Variants in MITF observed in about 807,000 individuals in gnomAD.
The protein encoded by MITF is microphthalmia-associated transcription factor.
A neutral mutation model predicts 60.5 loss-of-function variants in MITF; 17 were observed. The observed-to-expected ratio is 0.28, with a 90% confidence interval of 0.19 to 0.42. MITF has a LOEUF of 0.42. Among genes scored for constraint, MITF ranks in the 10% least tolerant of loss-of-function variants. MITF has a pLI of 1.00. For synonymous variants in MITF, 260 were observed against 248.5 expected, an observed-to-expected ratio of 1.05 and a Z score of -0.43; for missense variants, 622 against 683.5, an observed-to-expected ratio of 0.91 and a Z score of 1.00.
chr3:69,857,980 C>G (rs893828042), intron 1 of MITF, among the ~76,000 whole-genome samples: 19 of 152,004 alleles, frequency 1.2e-4, no homozygotes, highest in African/African-American at 3.1e-4. Flanking sequence ...CCAGCCTTAC[C>G]TGTTATATCT....
intron 1 of MITF, among the ~76,000 whole-genome samples, chr3:69,814,627 A>G (rs1205969489): frequency 1.3e-5 from 2 of 151,834 alleles, no homozygotes. Flanking sequence ...GCCCCATTCT[A>G]TCTTTTTTAA....
intron 9 of MITF, among the ~76,000 whole-genome samples, chr3:69,960,380 C>T (rs1374407853): frequency 6.6e-6 from 1 of 152,140 alleles, no homozygotes; most frequent in African/African-American, 2.4e-5. Flanking sequence ...TCATCCTACT[C>T]AGTGGGTATA....
chr3:69,932,056 A>G (rs2065736424), intron 2 of MITF, among the ~76,000 whole-genome samples: 1 of 152,218 alleles, frequency 6.6e-6, no homozygotes, highest in Non-Finnish European at 1.5e-5. Context: ...TACATATACT[A>G]TTTCTCTTTA....
intron 9 of MITF, among the ~76,000 whole-genome samples, chr3:69,960,775 C>T (rs913398632): frequency 3.9e-5 from 6 of 152,186 alleles, no homozygotes; most frequent in African/African-American, 7.2e-5. Flanking sequence ...GTGCTCCTCC[C>T]GGACGTTGAA....
chr3:69,812,233 A>T (rs2063112569), intron 1 of MITF, among the ~76,000 whole-genome samples: 1 of 152,140 alleles, frequency 6.6e-6, no homozygotes, highest in Non-Finnish European at 1.5e-5. Flanking sequence ...ACCTTCCCCA[A>T]GGTGCTTGAC....
At chr3:69,964,589 A>C (rs910715148) in intron 9 of MITF, among the ~76,000 whole-genome samples, 5 of 132,998 alleles carry the variant, frequency 3.8e-5, no homozygotes, top group African/African-American at 1.2e-4. Flanking sequence ...CATTCCCCCA[A>C]GCACGCACAG....
At chr3:69,853,094 G>A (rs1339979079) in intron 1 of MITF, among the ~76,000 whole-genome samples, 1 of 152,010 alleles carries the variant, frequency 6.6e-6, no homozygotes, top group African/African-American at 2.4e-5. Flanking sequence ...GACCATAGTT[G>A]CCTGAAAACA....
chr3:69,948,410 TTTA>T (rs1387450467), intron 5 of MITF, among the ~76,000 whole-genome samples: 2 of 151,994 alleles, frequency 1.3e-5, no homozygotes, highest in African/African-American at 2.4e-5. Context: ...ACTTTTTTTT[TTTA>T]TTATTATTCT....
chr3:69,759,083 G>A (rs939637608), intron 1 of MITF, among the ~76,000 whole-genome samples: 12 of 152,248 alleles, frequency 7.9e-5, no homozygotes, highest in Admixed American at 2.0e-4. Flanking sequence ...TACAAATACC[G>A]AATTAGCAAA....
chr3:69,953,763 A>G (rs2066327558), intron 7 of MITF, among the ~76,000 whole-genome samples: 3 of 151,758 alleles, frequency 2.0e-5, no homozygotes, highest in South Asian at 4.2e-4. Context: ...CTTTTCTACA[A>G]TGTGAACCAG....
intron 1 of MITF, among the ~76,000 whole-genome samples, chr3:69,783,270 G>T (rs180879016): frequency 6.6e-6 from 1 of 152,030 alleles, no homozygotes; most frequent in East Asian, 1.9e-4. Context: ...CCTTTTGCTT[G>T]GATGCTCCTT....
intron 2 of MITF, among the ~76,000 whole-genome samples, chr3:69,893,529 C>T (rs1434342214): frequency 6.6e-6 from 1 of 152,076 alleles, no homozygotes; most frequent in African/African-American, 2.4e-5. Context: ...GTGCCAGGCG[C>T]AATACTTTTT....
At chr3:69,948,068 TG>T (rs2066144300) in intron 5 of MITF, among the ~76,000 whole-genome samples, 1 of 152,170 alleles carries the variant, frequency 6.6e-6, no homozygotes, top group Admixed American at 6.5e-5. Context: ...AATCAAGAAA[TG>T]GGAGGGCTAA....
intron 2 of MITF, among the ~76,000 whole-genome samples, chr3:69,920,326 G>T (rs1012380820): frequency 6.6e-6 from 1 of 151,988 alleles, no homozygotes; most frequent in Non-Finnish European, 1.5e-5. Context: ...TTTTCCCCGG[G>T]GGAGTTTAGA....
chr3:69,918,482 A>G (rs2065388231), intron 2 of MITF, among the ~76,000 whole-genome samples: 1 of 152,100 alleles, frequency 6.6e-6, no homozygotes, highest in Non-Finnish European at 1.5e-5. Context: ...CAATTTTGGG[A>G]CTTTTAAAAT....
intron 1 of MITF, among the ~76,000 whole-genome samples, chr3:69,871,397 A>G (rs9818328): frequency 0.027 from 4,073 of 152,294 alleles, 170 homozygotes; most frequent in African/African-American, 0.09. Context: ...GGAGGTAGTG[A>G]CAACACCATA....
chr3:69,939,287 T>G (rs1184132476), intron 4 of MITF, 106 bp downstream of exon 4: 7 of 349,028 alleles, frequency 2.0e-5, no homozygotes, highest in Non-Finnish European at 3.3e-5. Context: ...TCCCCCATTG[T>G]TTTTTTTTTT....
chr3:69,906,690 T>C (rs1373314064), intron 2 of MITF, among the ~76,000 whole-genome samples: 1 of 152,168 alleles, frequency 6.6e-6, no homozygotes, highest in Non-Finnish European at 1.5e-5. Context: ...CGGAAGTGAC[T>C]TCACAGTACA....
At chr3:69,873,701 A>T (rs1173657545) in intron 1 of MITF, among the ~76,000 whole-genome samples, 1 of 152,172 alleles carries the variant, frequency 6.6e-6, no homozygotes, top group Admixed American at 6.5e-5. Context: ...TGGAATGCGA[A>T]TTTTCTCAGA....
Sources: gnomAD v4.1 joint callset for allele counts (sites outside exome capture counted in the v4.1 genomes callset) on GRCh38, gnomAD v4.1.1 for gene constraint, MANE v1.5 for transcripts, NCBI Gene and HGNC (gene_info 2026-07-23, HGNC 2026-07-21) for gene names.